TAFA2: variants seen among roughly 807,000 people sequenced by gnomAD.
TAFA2 encodes the protein chemokine-like protein TAFA-2.
Under a neutral mutation model 18.8 loss-of-function variants are expected in TAFA2, and 7 were observed. The ratio of observed to expected loss-of-function variants is 0.37; its 90% confidence interval spans 0.21 to 0.70. The LOEUF is 0.70. Among genes scored for constraint, TAFA2 ranks in the 30% least tolerant of loss-of-function variants. The pLI, the probability that TAFA2 is intolerant of heterozygous loss-of-function variation, is 0.53. For missense variants in TAFA2, 122 were observed against 158.1 expected (o/e 0.77, Z 1.23); for synonymous variants, 60 against 54.2 (o/e 1.11, Z -0.47).
intron 2 of TAFA2, among the ~76,000 whole-genome samples, chr12:61,759,534 G>A (rs929950859): frequency 6.6e-6 from 1 of 151,996 alleles, no homozygotes; most frequent in South Asian, 2.1e-4. Context: ...ACTCACCACC[G>A]ATCATGATGG....
At chr12:61,844,303 T>G (rs1292055237) in intron 2 of TAFA2, among the ~76,000 whole-genome samples, 1 of 152,142 alleles carries the variant, frequency 6.6e-6, no homozygotes, top group Non-Finnish European at 1.5e-5. Flanking sequence ...CTGAAAACTA[T>G]TTCCAGGCAC....
chr12:61,715,896 GACA>G, intron 4 of TAFA2, among the ~76,000 whole-genome samples: 1 of 151,714 alleles, frequency 6.6e-6, no homozygotes, highest in East Asian at 1.9e-4. Flanking sequence ...CAGCCTGGAT[GACA>G]CAATGAGACT....
intron 1 of TAFA2, among the ~76,000 whole-genome samples, chr12:61,978,917 T>G (rs1037493040): frequency 2.0e-5 from 3 of 151,878 alleles, no homozygotes; most frequent in Non-Finnish European, 2.9e-5. Context: ...ATACATGGAG[T>G]GATCAATATG....
At chr12:61,767,948 T>C (rs183454853) in intron 2 of TAFA2, among the ~76,000 whole-genome samples, 3 of 152,274 alleles carry the variant, frequency 2.0e-5, no homozygotes, top group African/African-American at 7.2e-5. Context: ...AATTCACTTA[T>C]GATGTGAAAC....
intron 1 of TAFA2, among the ~76,000 whole-genome samples, chr12:62,001,844 A>T (rs2136701448): frequency 6.6e-6 from 1 of 152,334 alleles, no homozygotes; most frequent in Middle Eastern, 3.4e-3. Context: ...CTATGTAAAC[A>T]TACAGATGAA....
intron 1 of TAFA2, among the ~76,000 whole-genome samples, chr12:61,995,735 CAGTTGTTACGGCTTAGGGT>C (rs1880163081): frequency 6.6e-6 from 1 of 152,082 alleles, no homozygotes; most frequent in Admixed American, 6.6e-5. Flanking sequence ...AGTAGATGAG[CAGTTGTTACGGCTTAGGGT>C]AGATGAGAGA....
At chr12:61,957,578 G>T (rs1308289912) in intron 1 of TAFA2, among the ~76,000 whole-genome samples, 2 of 152,070 alleles carry the variant, frequency 1.3e-5, no homozygotes, top group South Asian at 4.1e-4. Flanking sequence ...GACTTAGCAG[G>T]ATTCTTTGCT....
In TAFA2 at chr12:61,982,876, C is replaced by CAAAAAAAAAAAAAA. The variant is rs3031097; in HGVS notation, c.-1-115464_-1-115451dup. Among the ~76,000 whole-genome samples the CAAAAAAAAAAAAAA allele has an allele frequency of 3.1e-3, 312 of 101,572 alleles. 15 individuals carry two copies. The highest frequency in any genetic ancestry group is 0.014 in the Middle Eastern group (2 of 148). 66.6% of individuals were successfully genotyped at this position (101,572 alleles called of 152,430 possible). A position where few individuals can be genotyped will look rare whatever the true frequency, so the allele number is the denominator to read the frequency against. ...TATATTCCCACCAGCAAGTGGAAGG[C>CAAAAAAAAAAAAAA]AAAAAAAAAAAAAAAAAAGTTACTT... is the stretch of plus-strand genomic sequence containing the variant. On this transcript the variant is annotated intron_variant, in intron 1 of 4. Coordinates refer to ENST00000416284, the MANE Select transcript of TAFA2 (RefSeq NM_178539.5).
chr12:61,933,028 G>A (rs1565686421), intron 1 of TAFA2, among the ~76,000 whole-genome samples: 1 of 152,158 alleles, frequency 6.6e-6, no homozygotes, highest in Non-Finnish European at 1.5e-5. Context: ...GCAGAAAATT[G>A]AATTGACCCA....
At chr12:61,947,960 A>T (rs1273678594) in intron 1 of TAFA2, among the ~76,000 whole-genome samples, 1 of 152,198 alleles carries the variant, frequency 6.6e-6, no homozygotes, top group African/African-American at 2.4e-5. Context: ...CCATTTATCA[A>T]GCTATCAGAC....
chr12:62,035,228 C>A (rs762385038), intron 1 of TAFA2, among the ~76,000 whole-genome samples: 9 of 152,110 alleles, frequency 5.9e-5, no homozygotes, highest in Non-Finnish European at 1.2e-4. Context: ...GAGTGACTAC[C>A]AAGCACAAAG....
At chr12:61,880,932 C>T (rs1032611835) in intron 1 of TAFA2, among the ~76,000 whole-genome samples, 34 of 152,164 alleles carry the variant, frequency 2.2e-4, no homozygotes, top group African/African-American at 7.7e-4. Flanking sequence ...CCGGGGGACC[C>T]CCCTTCCCCA....
chr12:62,237,592 T>A (rs1401411709), intron 1 of TAFA2, among the ~76,000 whole-genome samples: 1 of 152,222 alleles, frequency 6.6e-6, no homozygotes, highest in Non-Finnish European at 1.5e-5. Flanking sequence ...TGTTGTTGTT[T>A]CTTATAAACA....
intron 1 of TAFA2, among the ~76,000 whole-genome samples, chr12:62,081,207 C>T (rs138065650): frequency 2.0e-5 from 3 of 151,938 alleles, no homozygotes; most frequent in Non-Finnish European, 2.9e-5. Flanking sequence ...AAAAAAAATT[C>T]CCCTATATAT....
In TAFA2 at chr12:62,163,595, G is replaced by T. The variant is rs996618266; in HGVS notation, c.-2+27664C>A. On this transcript the variant is annotated intron_variant, in intron 1 of 4. Coordinates refer to ENST00000416284, the MANE Select transcript of TAFA2 (RefSeq NM_178539.5). ...TGACCTTCCTTCTCATATTCAGGGA[G>T]GTGTCTTACCTATTTAAAGATGATT... 3.3e-5 allele frequency among the ~76,000 whole-genome samples: 5 copies of T among 152,084 alleles called. No individual in the cohort carries two copies. The South Asian group carries it at 1.0e-3, about 31-fold the overall frequency.
At chr12:61,971,309 T>C (rs1463059404) in intron 1 of TAFA2, among the ~76,000 whole-genome samples, 1 of 151,682 alleles carries the variant, frequency 6.6e-6, no homozygotes, top group African/African-American at 2.4e-5. Flanking sequence ...TTATTGCTCT[T>C]ATGGTAAGAG....
At chr12:61,984,629 A>G (rs900334495) in intron 1 of TAFA2, among the ~76,000 whole-genome samples, 1 of 152,194 alleles carries the variant, frequency 6.6e-6, no homozygotes, top group Non-Finnish European at 1.5e-5. Context: ...AACATTTTCC[A>G]TTATGTTTTT....
In TAFA2 at chr12:61,977,155, G is replaced by A. The variant is rs576967035; in HGVS notation, c.-1-109729C>T. Among the ~76,000 whole-genome samples the A allele has an allele frequency of 5.3e-5, 8 of 152,054 alleles. No individual in the cohort carries two copies. In the East Asian group the frequency reaches 1.4e-3, roughly 26 times the overall value. ...ATATTGCAGCATTTCATATGAATTT[G>A]CATTATAAACTACATATACTTTACT... On this transcript the variant is annotated intron_variant, in intron 1 of 4. Coordinates refer to ENST00000416284, the MANE Select transcript of TAFA2 (RefSeq NM_178539.5).
chr12:62,152,165 T>C (rs1267130576), intron 1 of TAFA2, among the ~76,000 whole-genome samples: 1 of 152,216 alleles, frequency 6.6e-6, no homozygotes, highest in African/African-American at 2.4e-5. Flanking sequence ...AGCTTTTTCC[T>C]GCCACACTCA....
Sources: allele counts gnomAD v4.1 joint callset (sites outside exome capture counted in the v4.1 genomes callset), GRCh38; gene constraint gnomAD v4.1.1; transcripts MANE v1.5; gene names NCBI Gene and HGNC (gene_info 2026-07-23, HGNC 2026-07-21).